Variants in LUZP4 observed in about 807,000 individuals in gnomAD.
LUZP4 encodes the protein leucine zipper protein 4.
Under a neutral mutation model 8.5 loss-of-function variants are expected in LUZP4, and 11 were observed. The ratio of observed to expected loss-of-function variants is 1.30; its 90% CI spans 0.82 to 2.14. The LOEUF (loss-of-function observed/expected upper bound fraction) is 2.14, where lower values mean the gene tolerates loss of function less well. Ranked by LOEUF, LUZP4 falls within the 30% of genes most tolerant of loss-of-function variation. LUZP4 has a pLI of 0.00. For missense variants in LUZP4, 276 were observed against 229.7 expected, an observed-to-expected ratio of 1.20 and a Z score of -1.30; for synonymous variants, 104 against 79.4, an observed-to-expected ratio of 1.31 and a Z score of -1.65.
chrX:115,302,742 G>T, intron 2 of LUZP4, among the ~76,000 whole-genome samples: 1 of 112,615 alleles, frequency 8.9e-6, no homozygotes, highest in Non-Finnish European at 1.9e-5. Context: ...AAGTTCTTGT[G>T]TGAATCTTCA....
At position 115,306,842 on chromosome X, in the gene LUZP4, A is replaced by T; in HGVS notation, c.*38A>T. The T allele has an allele frequency of 8.9e-7, 1 of 1,127,660 alleles. No homozygotes were observed. The highest frequency in any genetic ancestry group is 1.2e-6 in the Non-Finnish European group (1 of 824,084). 92.9% of individuals were successfully genotyped at this position (1,127,660 alleles called of 1,213,427 possible). On this transcript the variant is annotated 3_prime_UTR_variant, in exon 4 of 4. Transcript: ENST00000371920. ...TGTGTTGAATTCTGTGGAAATAGAA[A>T]AGCATATATCTATATTCTAATGGCT...
intron 1 of LUZP4, among the ~76,000 whole-genome samples, chrX:115,291,813 G>C (rs1418837524): frequency 9.0e-6 from 1 of 111,000 alleles, no homozygotes; most frequent in Non-Finnish European, 1.9e-5. Context: ...TCCCAGCTAT[G>C]CAGGAGGCTG....
intron 1 of LUZP4, among the ~76,000 whole-genome samples, chrX:115,299,656 G>A (rs1299937452): frequency 1.8e-5 from 2 of 110,863 alleles, no homozygotes; most frequent in South Asian, 3.9e-4. Flanking sequence ...TGGGATGAAT[G>A]CTGCCTGGTC....
intron 3 of LUZP4, among the ~76,000 whole-genome samples, chrX:115,303,630 C>T (rs2073407828): frequency 8.9e-6 from 1 of 112,011 alleles, no homozygotes; most frequent in South Asian, 3.6e-4. Flanking sequence ...TATTTTCAGT[C>T]ATTACTAAAA....
In LUZP4 at chrX:115,306,685, GTCAC is replaced by G. The variant is rs782579593; in HGVS notation, c.827_830del (p.Thr276ArgfsTer12). The G allele has an allele frequency of 1.7e-5, 21 of 1,207,252 alleles. No homozygotes were observed. Among genetic ancestry groups the G allele is most frequent in the African/African-American group, 7.1e-5 (4 of 56,568 alleles). On this transcript the variant is annotated frameshift_variant, in exon 4 of 4. Transcript: ENST00000371920. LOFTEE classifies it low-confidence loss of function (END_TRUNC). Reference sequence around the variant, plus strand: ...CATAGCCACTCAGAGAGATCTCATAGTCACTCAGAGAGATCTCGTGGCCACTGAG... The same window carrying G: ...CATAGCCACTCAGAGAGATCTCATAGTCAGAGAGATCTCGTGGCCACTGAG...
chrX:115,298,580 A>G (rs1221009335), intron 1 of LUZP4, among the ~76,000 whole-genome samples: 1 of 112,651 alleles, frequency 8.9e-6, no homozygotes, highest in African/African-American at 3.2e-5. Context: ...TTCTGCTATT[A>G]AAGGACTCTG....
chrX:115,299,048 A>G (rs1248457025), intron 1 of LUZP4, among the ~76,000 whole-genome samples: 1 of 111,805 alleles, frequency 8.9e-6, no homozygotes, highest in African/African-American at 3.3e-5. Context: ...TTGCAAACTC[A>G]TAGAGGTACC....
rs1556601717 is a variant in LUZP4 at position 115,301,996 on chromosome X, CATT to C, written c.99_101del (p.Ile35del). On this transcript the variant is annotated inframe_deletion, in exon 2 of 4. Coordinates refer to ENST00000371920, the MANE Select transcript of LUZP4 (RefSeq NM_016383.5). Reference sequence around the variant, plus strand: ...TTTATGTATTTTCTAATACAGACGACATTATAATCTATAAAGAGTTAGAAGGGA... The same window carrying C: ...TTTATGTATTTTCTAATACAGACGACATAATCTATAAAGAGTTAGAAGGGA... 8.8e-7 allele frequency: 1 copy of C among 1,139,384 alleles called. No individual in the cohort carries two copies. The highest frequency in any genetic ancestry group is 3.1e-5 in the East Asian group (1 of 32,227). 93.9% of individuals were successfully genotyped at this position (1,139,384 alleles called of 1,213,427 possible).
rs782702903 is a variant in LUZP4 at position 115,303,443 on chromosome X, A to G, written c.342+25A>G. On this transcript the variant is annotated intron_variant, in intron 3 of 3. Transcript: ENST00000371920. The stretch of plus-strand genomic sequence containing the variant: ...GGTAGATAAGTACCAAGAATTAACC[A>G]ATATTAAAAATCCTACATTTACTAT... 38 of 798,185 alleles carry G rather than the reference A, an allele frequency of 4.8e-5. No individual in the cohort carries two copies. The Middle Eastern group carries it at 9.0e-4, about 19-fold the overall frequency. The allele number at this position is 798,185 out of a possible 1,213,427, so 65.8% of individuals were successfully genotyped here. A position where few individuals can be genotyped will look rare whatever the true frequency, so the allele number is the denominator to read the frequency against.
At chrX:115,296,489 T>G (rs182188695) in intron 1 of LUZP4, among the ~76,000 whole-genome samples, 315 of 111,787 alleles carry the variant, frequency 2.8e-3, no homozygotes, top group African/African-American at 9.9e-3. Context: ...GTCTCTGTAA[T>G]GATATATTCT....
At chrX:115,292,871 G>A (rs1556597427) in intron 1 of LUZP4, among the ~76,000 whole-genome samples, 1 of 111,135 alleles carries the variant, frequency 9.0e-6, no homozygotes, top group African/African-American at 3.3e-5. Flanking sequence ...TTGTCTTTAA[G>A]ATGTTTTTAG....
chrX:115,298,318 C>T (rs1291167202), intron 1 of LUZP4, among the ~76,000 whole-genome samples: 1 of 112,391 alleles, frequency 8.9e-6, no homozygotes, highest in Non-Finnish European at 1.9e-5. Flanking sequence ...CCACCTGCCT[C>T]GGCCTCCCAA....
Position 115,289,864 on chromosome X carries a change from G to A in LUZP4, c.91+14G>A, listed in dbSNP as rs782721734. 2.6e-5 allele frequency: 30 copies of A among 1,136,018 alleles called. No individual in the cohort carries two copies. Among genetic ancestry groups the A allele is most frequent in the Non-Finnish European group, 3.5e-5 (29 of 832,828 alleles). The allele number at this position is 1,136,018 out of a possible 1,213,427, so 93.6% of individuals were successfully genotyped here. A position where few individuals can be genotyped will look rare whatever the true frequency, so the allele number is the denominator to read the frequency against. ...ATATGTCTCTAGGTATGTAGATCTC[G>A]GATCCCAGTCTCCACTAGTTTGGGC... is the stretch of plus-strand genomic sequence containing the variant. On this transcript the variant is annotated intron_variant, in intron 1 of 3. Transcript: ENST00000371920.
chrX:115,302,144 T>A, intron 2 of LUZP4, 21 bp downstream of exon 2: 2 of 1,143,259 alleles, frequency 1.7e-6, no homozygotes, highest in Non-Finnish European at 2.3e-6. Flanking sequence ...CTGAAAATAG[T>A]CACACGTGGT....
chrX:115,297,231 T>A (rs144861650), intron 1 of LUZP4, among the ~76,000 whole-genome samples: 40 of 112,050 alleles, frequency 3.6e-4, no homozygotes, highest in African/African-American at 1.2e-3. Flanking sequence ...TATTGAAAAG[T>A]TGTTGTAGTT....
intron 3 of LUZP4, among the ~76,000 whole-genome samples, chrX:115,303,882 G>A (rs2073408980): frequency 1.8e-5 from 2 of 111,738 alleles, no homozygotes; most frequent in African/African-American, 3.3e-5. Flanking sequence ...ACACGTATAG[G>A]TGAGCCAGTC....
intron 1 of LUZP4, among the ~76,000 whole-genome samples, chrX:115,294,633 G>A (rs2073362646): frequency 9.0e-6 from 1 of 111,717 alleles, no homozygotes; most frequent in African/African-American, 3.3e-5. Flanking sequence ...GGTGAAAGAT[G>A]GGGTTTAAAC....
rs35314601 is a variant in LUZP4 at position 115,306,778 on chromosome X, A to G, written c.916A>G (p.Thr306Ala). The change falls in exon 4 of 4, where the codon ACA becomes GCA. Residue 306 changes from threonine to alanine, a missense_variant. Physicochemically the swap from Thr to Ala is moderately conservative, Grantham distance 58 (BLOSUM62 0). Coordinates refer to ENST00000371920, the MANE Select transcript of LUZP4 (RefSeq NM_016383.5). ...GQSERHQRYS[T>A]GKNTITT ...ATCAGAAAGACATCAGAGATACTCA[A>G]CAGGTAAAAATACAATAACTACTTA... 896 of 1,205,974 alleles carry G rather than the reference A, an allele frequency of 7.4e-4. 4 individuals carry two copies. The African/African-American group carries it at 0.015, about 20-fold the overall frequency.
chrX:115,307,012 C>A lies in LUZP4; in HGVS notation c.*208C>A. ...ACCCAGGATGTCCCATTAAGTTGTT[C>A]CCGGTAGGTCTGCTTTCCCTGGAAG... On this transcript the variant is annotated 3_prime_UTR_variant, in exon 4 of 4. Transcript: ENST00000371920. 1 of 428,438 alleles carries A rather than the reference C, an allele frequency of 2.3e-6. No homozygotes were observed. Among genetic ancestry groups the A allele is most frequent in the Non-Finnish European group, 4.0e-6 (1 of 249,649 alleles). The allele number at this position is 428,438 out of a possible 1,213,427, so 35.3% of individuals were successfully genotyped here.
Sources: gnomAD v4.1 joint callset for allele counts (sites outside exome capture counted in the v4.1 genomes callset) on GRCh38, gnomAD v4.1.1 for gene constraint, MANE v1.5 for transcripts, NCBI Gene and HGNC (gene_info 2026-07-23, HGNC 2026-07-21) for gene names.